Variants in LAMA5 observed in about 807,000 individuals in gnomAD.
LAMA5 encodes laminin subunit alpha-5.
A neutral mutation model predicts 433.4 loss-of-function variants in LAMA5; 260 were observed. The ratio of observed to expected loss-of-function variants is 0.60; its 90% CI spans 0.54 to 0.66. The LOEUF (loss-of-function observed/expected upper bound fraction) is 0.66, where lower values mean the gene tolerates loss of function less well. Ranked by LOEUF, LAMA5 falls within the 30% of genes least tolerant of loss-of-function variation. The probability of loss-of-function intolerance (pLI) is 0.00; values close to 1 mark genes in which losing one functional copy is unlikely to be tolerated. For synonymous variants in LAMA5, 2,620 were observed against 2,226.6 expected, an observed-to-expected ratio of 1.18 and a Z score of -4.97; for missense variants, 5,378 against 5,258.5, an observed-to-expected ratio of 1.02 and a Z score of -0.70.
At chr20:62,325,585 A>G (rs765066639) in intron 40 of LAMA5, 39 bp from the exon 41 acceptor site, 1 of 1,393,476 alleles carries the variant, frequency 7.2e-7, no homozygotes, top group Non-Finnish European at 1.0e-6. Context: ...GGCCACACTC[A>G]ATGGGACAGA....
rs1471948960 is a variant in LAMA5 at position 62,359,106 on chromosome 20, C to G, written c.450+3294G>C. Among the ~76,000 whole-genome samples, 1 of 152,206 alleles carries G rather than the reference C, an allele frequency of 6.6e-6. No homozygotes were observed. The highest frequency in any genetic ancestry group is 6.5e-5 in the Admixed American group (1 of 15,286). ...CGGGGACTGGGACAAAGCCGCTACC[C>G]CACCTGTAGCACCTGCAGCGTGGCC... is the stretch of plus-strand genomic sequence containing the variant. On this transcript the variant is annotated intron_variant, in intron 2 of 79. Transcript: ENST00000252999. This position sits in a 1 kb window ranked among gnomAD's most constrained non-coding sequence, Gnocchi z 4.3.
intron 2 of LAMA5, among the ~76,000 whole-genome samples, chr20:62,362,140 C>T (rs1986194752): frequency 6.6e-6 from 1 of 152,242 alleles, no homozygotes; most frequent in Non-Finnish European, 1.5e-5. Flanking sequence ...CGCAACCAAA[C>T]TCTGTGGCCT....
rs1322540029 is a variant in LAMA5 at position 62,337,699 on chromosome 20, C to T, written c.2055G>A (p.Leu685=). 2 of 1,611,228 alleles carry T rather than the reference C, an allele frequency of 1.2e-6. No homozygotes were observed. Among genetic ancestry groups the T allele is most frequent in the Non-Finnish European group, 1.7e-6 (2 of 1,179,026 alleles). The stretch of plus-strand genomic sequence containing the variant: ...CACTCCGGGGGTCACAGGCTGCGTG[C>T]AGGGAGCCTTCAGCAGAGCAGTGGC... ...VPCHCSAEGS[L]HAACDPRSGQ... is the part of the protein sequence containing the mutation. Residue 685 remains leucine (L), a synonymous_variant, in exon 16 of 80, where the codon CTG becomes CTA. Transcript: ENST00000252999.
chr20:62,316,815 G>C, intron 56 of LAMA5, 42 bp from the exon 57 acceptor site: 1 of 1,560,190 alleles, frequency 6.4e-7, no homozygotes, highest in Non-Finnish European at 8.7e-7. Context: ...CACGCAGGCC[G>C]GGGCTGCGGG....
At position 62,333,245 on chromosome 20, in the gene LAMA5, T is replaced by G; in HGVS notation, c.3129-2A>C. ...GGGAGGTGTGTGTAGAGGAGGCAGC[T>G]GGGGGGACACAGGCCGTGGTCAGCC... On this transcript the variant is annotated splice_acceptor_variant, in intron 25 of 79. Coordinates refer to ENST00000252999, the MANE Select transcript of LAMA5 (RefSeq NM_005560.6). LOFTEE classifies it high-confidence loss of function. 6.5e-7 allele frequency: 1 copy of G among 1,550,300 alleles called. No individual in the cohort carries two copies. Among genetic ancestry groups the G allele is most frequent in the Non-Finnish European group, 8.7e-7 (1 of 1,145,600 alleles).
At chr20:62,360,124 T>C (rs1326379108) in intron 2 of LAMA5, among the ~76,000 whole-genome samples, 4 of 149,880 alleles carry the variant, frequency 2.7e-5, no homozygotes, top group Admixed American at 6.6e-5. Context: ...AGGGAGTCCC[T>C]GCCCCCACCC....
At chr20:62,362,370 G>A (rs537240575) in intron 2 of LAMA5, 30 bp downstream of exon 2, 1 of 1,472,062 alleles carries the variant, frequency 6.8e-7, no homozygotes, top group South Asian at 1.4e-5. Flanking sequence ...ACAGAGATGG[G>A]GGCTGCAGCA....
intron 2 of LAMA5, chr20:62,356,453 A>AGTC (rs1243930380): frequency 2.0e-5 from 3 of 152,418 alleles, no homozygotes; most frequent in African/African-American, 7.2e-5. Context: ...GAAAAAAAAA[A>AGTC]GTCTTTTAAA....
intron 28 of LAMA5, 49 bp downstream of exon 28, chr20:62,332,323 C>A: frequency 7.4e-7 from 1 of 1,354,308 alleles, no homozygotes; most frequent in Admixed American, 1.7e-5. Context: ...TGTTTCAAAT[C>A]TTCTGAAAGA....
intron 55 of LAMA5, 112 bp from the exon 56 acceptor site, chr20:62,317,135 G>A (rs985962778): frequency 3.6e-5 from 47 of 1,302,134 alleles, no homozygotes; most frequent in African/African-American, 1.8e-4. Flanking sequence ...GCCAAGTCCC[G>A]CCTCCAGGTC....
chr20:62,338,419 G>C (rs1444506623), intron 12 of LAMA5, 49 bp downstream of exon 12: 1 of 1,608,198 alleles, frequency 6.2e-7, no homozygotes, highest in African/African-American at 1.3e-5. Flanking sequence ...CAGGCCTCAG[G>C]TGTCCACCTC....
intron 76 of LAMA5, 26 bp downstream of exon 76, chr20:62,310,393 G>A (rs113335873): frequency 6.3e-7 from 1 of 1,582,116 alleles, no homozygotes; most frequent in African/African-American, 1.4e-5. Context: ...GCCCTGCTGA[G>A]GCCTGGGATG....
intron 45 of LAMA5, 87 bp from the exon 46 acceptor site, chr20:62,322,845 G>A (rs1251287011): frequency 4.7e-6 from 4 of 849,042 alleles, no homozygotes; most frequent in Non-Finnish European, 5.2e-6. Flanking sequence ...TCACTTCACT[G>A]CCTCCTGCTG....
In LAMA5 at chr20:62,338,028, G is replaced by A; in HGVS notation, c.1879C>T (p.Pro627Ser). The A allele has an allele frequency of 6.3e-7, 1 of 1,598,096 alleles. No individual in the cohort carries two copies. The highest frequency in any genetic ancestry group is 8.5e-7 in the Non-Finnish European group (1 of 1,170,474). Residue 627 changes from proline to serine, a missense_variant, in exon 14 of 80, where the codon CCC (proline) becomes TCC (serine). By Grantham distance (74) the Pro-to-Ser change is moderately conservative. Coordinates refer to ENST00000252999, the MANE Select transcript of LAMA5 (RefSeq NM_005560.6). ...ACCCTCTGCTCACCTTGGCAGTTGGGGAAACCATGGTAGCCAGGGCGGCAC... is the reference window on the plus strand; with the variant it reads ...ACCCTCTGCTCACCTTGGCAGTTGGAGAAACCATGGTAGCCAGGGCGGCAC... ...DRCRPGYHGF[P>S]NCQACTCDPR... is the part of the protein sequence containing the mutation.
Position 62,313,360 on chromosome 20 carries a change from T to C in LAMA5, c.8759A>G (p.Gln2920Arg), listed in dbSNP as rs1464416323. Residue 2920 changes from glutamine to arginine, a missense_variant, in exon 64 of 80, where the codon CAG becomes CGG. Transcript: ENST00000252999. ...AGGCCTGTCCACAGCCGTGTCCAGC[T>C]GGAAGGTCCTCTCGAAGTTGTAGAG... is the stretch of plus-strand genomic sequence containing the variant. Reference protein sequence around the residue: ...VSLYNFERTFQLDTAVDRPCA... With the variant: ...VSLYNFERTFRLDTAVDRPCA... 1 of 1,582,062 alleles carries C rather than the reference T, an allele frequency of 6.3e-7. No homozygotes were observed. Among genetic ancestry groups the C allele is most frequent in the Non-Finnish European group, 8.6e-7 (1 of 1,164,704 alleles).
chr20:62,343,116 G>A (rs895909288), intron 11 of LAMA5, among the ~76,000 whole-genome samples: 5 of 152,102 alleles, frequency 3.3e-5, no homozygotes, highest in East Asian at 1.9e-4. Flanking sequence ...TCATGAATAC[G>A]CGTTCTATGG....
rs371152952 is a variant in LAMA5, at chr20:62,317,010, C to A, written c.7525G>T (p.Val2509Phe). The change falls in exon 56 of 80, where the codon GTC (valine) becomes TTC (phenylalanine). Residue 2509 changes from valine (V) to phenylalanine (F), a missense_variant. By Grantham distance (50) the Val-to-Phe change is conservative. Transcript: ENST00000252999. ...CTCTGGGTGAGGCGGTCCTGGTTGACGTCCAGGATGATGCTGCAGCGGAAG... is the reference window on the plus strand; with the variant it reads ...CTCTGGGTGAGGCGGTCCTGGTTGAAGTCCAGGATGATGCTGCAGCGGAAG... The part of the protein sequence containing the change: ...ALNLSSIILD[V>F]NQDRLTQRAI... 5 of 1,533,330 alleles carry A rather than the reference C, an allele frequency of 3.3e-6. No homozygotes were observed. The East Asian group carries it at 1.1e-4, about 35-fold the overall frequency. The allele number at this position is 1,533,330 out of a possible 1,614,324, so 95.0% of individuals were successfully genotyped here.
At chr20:62,329,569 C>T (rs1452691271) in intron 32 of LAMA5, among the ~76,000 whole-genome samples, 2 of 152,194 alleles carry the variant, frequency 1.3e-5, no homozygotes, top group Non-Finnish European at 2.9e-5. Context: ...GCCACCCTGA[C>T]CAGCAGGGTG....
chr20:62,329,577 G>A (rs1170144329), intron 32 of LAMA5, among the ~76,000 whole-genome samples, 200 bp downstream of exon 32: 1 of 152,010 alleles, frequency 6.6e-6, no homozygotes, highest in Non-Finnish European at 1.5e-5. Flanking sequence ...GACCAGCAGG[G>A]TGCAGGGTGC....
Sources: gnomAD v4.1 joint callset for allele counts (sites outside exome capture counted in the v4.1 genomes callset) on GRCh38, gnomAD v4.1.1 for gene constraint, Gnocchi (gnomAD v3.1) non-coding constraint, MANE v1.5 for transcripts, NCBI Gene and HGNC (gene_info 2026-07-23, HGNC 2026-07-21) for gene names.